ZNF385D: variants seen among roughly 807,000 people sequenced by gnomAD.
ZNF385D encodes the protein zinc finger protein 659.
Under a neutral mutation model 35.8 loss-of-function variants are expected in ZNF385D, and 15 were observed. The observed-to-expected ratio is 0.42, with a 90% CI of 0.28 to 0.64. The LOEUF (loss-of-function observed/expected upper bound fraction) is 0.64. Ranked by LOEUF, ZNF385D falls within the 30% of genes least tolerant of loss-of-function variation. The probability of loss-of-function intolerance (pLI) is 0.23; values close to 1 mark genes in which losing one functional copy is unlikely to be tolerated. For missense variants in ZNF385D, 474 were observed against 494.6 expected, an observed-to-expected ratio of 0.96 and a Z score of 0.39; for synonymous variants, 212 against 186.8, an observed-to-expected ratio of 1.13 and a Z score of -1.10.
intron 3 of ZNF385D, among the ~76,000 whole-genome samples, chr3:21,901,146 T>C (rs1445477694): frequency 1.3e-5 from 2 of 152,222 alleles, no homozygotes; most frequent in Admixed American, 6.6e-5. Flanking sequence ...AATCCTGTTA[T>C]CTATTTCCAT....
At chr3:22,145,140 T>C (rs1704772279) in intron 3 of ZNF385D, among the ~76,000 whole-genome samples, 1 of 152,178 alleles carries the variant, frequency 6.6e-6, no homozygotes, top group Non-Finnish European at 1.5e-5. Context: ...AGGTGAGCTA[T>C]TACTAGAGAC....
In ZNF385D at chr3:22,243,477, T is replaced by G. The variant is rs145795403; in HGVS notation, c.107-74442A>C. Among the ~76,000 whole-genome samples, 8 of 151,100 alleles carry G rather than the reference T, an allele frequency of 5.3e-5. 1 individual carries two copies. The East Asian group carries it at 1.4e-3, about 26-fold the overall frequency. On this transcript the variant is annotated intron_variant, in intron 2 of 5. Coordinates refer to the ZNF385D transcript ENST00000494108. The stretch of plus-strand genomic sequence containing the variant: ...CTGAACAAAATGTAATTATACCCTA[T>G]AGCAACGAGAAGCTACTAAAGATTT...
At chr3:21,603,127 CTG>C (rs1036771380) in intron 2 of ZNF385D, among the ~76,000 whole-genome samples, 3 of 152,140 alleles carry the variant, frequency 2.0e-5, no homozygotes, top group African/African-American at 7.2e-5. Context: ...ATAATGAACA[CTG>C]TATATGTACC....
chr3:21,751,236 A>ACGGC, upstream of ZNF385D: 4 of 1,106,856 alleles, frequency 3.6e-6, no homozygotes, highest in Non-Finnish European at 4.5e-6. Flanking sequence ...AGACCCCTCC[A>ACGGC]CCCCACCCCA....
intron 2 of ZNF385D, among the ~76,000 whole-genome samples, chr3:22,336,376 A>G (rs1410734772): frequency 6.6e-6 from 1 of 152,188 alleles, no homozygotes; most frequent in Non-Finnish European, 1.5e-5. Flanking sequence ...AAAGCTATTC[A>G]ACTGTATCAG....
At chr3:21,525,587 G>A (rs1708173974) in intron 3 of ZNF385D, among the ~76,000 whole-genome samples, 1 of 151,204 alleles carries the variant, frequency 6.6e-6, no homozygotes, top group East Asian at 2.0e-4. Context: ...AGGAGGCTGA[G>A]GGAGGAGAAT....
At chr3:22,207,298 G>C (rs1697221134) in intron 2 of ZNF385D, among the ~76,000 whole-genome samples, 4 of 151,824 alleles carry the variant, frequency 2.6e-5, no homozygotes, top group African/African-American at 2.4e-5. Context: ...CATCTATAGT[G>C]AACCATTTTC....
chr3:22,095,090 T>TC (rs1388210828), intron 3 of ZNF385D, among the ~76,000 whole-genome samples: 11 of 59,218 alleles, frequency 1.9e-4, no homozygotes, highest in Non-Finnish European at 3.6e-4. Flanking sequence ...CATTCTTTCT[T>TC]TTTTTTTTTT....
intron 2 of ZNF385D, among the ~76,000 whole-genome samples, chr3:21,609,859 T>G (rs868618544): frequency 6.6e-6 from 1 of 152,138 alleles, no homozygotes; most frequent in Non-Finnish European, 1.5e-5. Context: ...CAGAGAGAAA[T>G]AGAGAGGAGA....
At chr3:21,963,778 T>C (rs1342299348) in intron 3 of ZNF385D, among the ~76,000 whole-genome samples, 3 of 152,300 alleles carry the variant, frequency 2.0e-5, no homozygotes, top group South Asian at 4.1e-4. Context: ...TAAAAATGTA[T>C]GTATGCCCAG....
chr3:22,301,932 C>A (rs2125413053), intron 2 of ZNF385D, among the ~76,000 whole-genome samples: 1 of 152,114 alleles, frequency 6.6e-6, no homozygotes, highest in African/African-American at 2.4e-5. Flanking sequence ...TATACCGATG[C>A]ATGTATTTCT....
chr3:22,292,685 GT>G (rs1331161218), intron 2 of ZNF385D, among the ~76,000 whole-genome samples: 1 of 152,044 alleles, frequency 6.6e-6, no homozygotes. Context: ...GTGGCATGGA[GT>G]TTTATTTCTG....
chr3:21,612,556 C>T (rs2064715282), intron 2 of ZNF385D, among the ~76,000 whole-genome samples: 1 of 152,198 alleles, frequency 6.6e-6, no homozygotes, highest in South Asian at 2.1e-4. Context: ...AGAACCTATT[C>T]ATTTGTTCAA....
chr3:21,428,657 G>A (rs564770488), intron 5 of ZNF385D, among the ~76,000 whole-genome samples: 2 of 151,920 alleles, frequency 1.3e-5, no homozygotes, highest in South Asian at 2.1e-4. Context: ...CTGTGTGGCC[G>A]GTGGTCTCCT....
chr3:21,984,016 GT>G (rs1418309937), intron 3 of ZNF385D, among the ~76,000 whole-genome samples: 1 of 136,720 alleles, frequency 7.3e-6, no homozygotes, highest in Non-Finnish European at 1.5e-5. Flanking sequence ...GGGGTTGTTT[GT>G]TTTTTTCTTG....
chr3:22,301,634 A>T (rs1224550984), intron 2 of ZNF385D, among the ~76,000 whole-genome samples: 1 of 152,088 alleles, frequency 6.6e-6, no homozygotes, highest in African/African-American at 2.4e-5. Context: ...TAAAGAAAAA[A>T]GTCTAGGTAC....
chr3:21,778,399 C>T (rs1035314502), intron 3 of ZNF385D, among the ~76,000 whole-genome samples: 7 of 151,884 alleles, frequency 4.6e-5, no homozygotes, highest in Admixed American at 1.3e-4. Context: ...AGAGCCTGAG[C>T]GAAAGGTGGC....
chr3:21,981,758 T>A (rs1239771589), intron 3 of ZNF385D, among the ~76,000 whole-genome samples: 1 of 152,110 alleles, frequency 6.6e-6, no homozygotes, highest in Non-Finnish European at 1.5e-5. Flanking sequence ...ATGGAAGGAG[T>A]CCAGCTTCAA....
intron 3 of ZNF385D, among the ~76,000 whole-genome samples, chr3:22,110,836 T>C (rs1180793481): frequency 4.6e-5 from 7 of 151,484 alleles, no homozygotes; most frequent in Non-Finnish European, 1.0e-4. Flanking sequence ...TACAGTGTGA[T>C]GTGTGAGGTG....
Sources: allele counts gnomAD v4.1 joint callset (sites outside exome capture counted in the v4.1 genomes callset), GRCh38; gene constraint gnomAD v4.1.1; transcripts MANE v1.5; gene names NCBI Gene and HGNC (gene_info 2026-07-23, HGNC 2026-07-21).